HTR1F: variants seen among roughly 807,000 people sequenced by gnomAD.
The protein encoded by HTR1F is 5-hydroxytryptamine receptor 1F.
In HTR1F, 17 loss-of-function variants were observed where a neutral mutation model predicts 24.0. The observed-to-expected ratio is 0.71, with a 90% CI of 0.48 to 1.06. The LOEUF (loss-of-function observed/expected upper bound fraction) is 1.06. Ranked by LOEUF, HTR1F falls within the 50% of genes least tolerant of loss-of-function variation. The pLI is 0.00. For missense variants in HTR1F, 391 were observed against 427.8 expected, an observed-to-expected ratio of 0.91 and a Z score of 0.76; for synonymous variants, 186 against 156.8, an observed-to-expected ratio of 1.19 and a Z score of -1.39.
chr3:87,815,665 T>C (rs1704236909), intron 1 of HTR1F, among the ~76,000 whole-genome samples: 1 of 152,092 alleles, frequency 6.6e-6, no homozygotes, highest in Non-Finnish European at 1.5e-5. Context: ...AGTAACATGA[T>C]GGAAAGTGTA....
In HTR1F at chr3:87,910,186, T is replaced by G. The variant is rs113022019; in HGVS notation, c.-42-80522T>G. 688 of 152,096 alleles carry G rather than the reference T, an allele frequency of 4.5e-3. 1 individual carries two copies. The highest frequency in any genetic ancestry group is 0.016 in the African/African-American group (665 of 41,548). The allele number at this position is 152,096 out of a possible 1,614,324, so 9.4% of individuals were successfully genotyped here. ...TTTAAGGAAGCTTTTTATCCCAAATTCTTTGGCACCAATTGCAACTTGAAA... is the reference window on the plus strand; with the variant it reads ...TTTAAGGAAGCTTTTTATCCCAAATGCTTTGGCACCAATTGCAACTTGAAA... On this transcript the variant is annotated intron_variant, in intron 2 of 2. Coordinates refer to ENST00000319595, the MANE Select transcript of HTR1F (RefSeq NM_001322209.2).
chr3:87,859,135 T>G (rs747541277), intron 2 of HTR1F, among the ~76,000 whole-genome samples: 7 of 152,062 alleles, frequency 4.6e-5, no homozygotes, highest in Non-Finnish European at 8.8e-5. Context: ...GAGGTGGAGG[T>G]TGCAGTGAGC....
chr3:87,861,554 C>G (rs976560823), intron 2 of HTR1F, among the ~76,000 whole-genome samples: 8 of 152,116 alleles, frequency 5.3e-5, no homozygotes, highest in African/African-American at 1.9e-4. Flanking sequence ...AATAGACACA[C>G]AAGCCATTTT....
intron 2 of HTR1F, among the ~76,000 whole-genome samples, chr3:87,932,196 T>G (rs1330227528): frequency 6.6e-6 from 1 of 152,190 alleles, no homozygotes; most frequent in East Asian, 1.9e-4. Flanking sequence ...TTTAAGTCTT[T>G]AATCCATCTT....
chr3:87,863,399 T>C (rs1220481266), intron 2 of HTR1F, among the ~76,000 whole-genome samples: 1 of 152,196 alleles, frequency 6.6e-6, no homozygotes, highest in African/African-American at 2.4e-5. Context: ...CAATTTACTG[T>C]AAGAAGCAGG....
intron 2 of HTR1F, among the ~76,000 whole-genome samples, chr3:87,851,204 T>C (rs1375427928): frequency 1.3e-5 from 2 of 151,784 alleles, no homozygotes; most frequent in Non-Finnish European, 2.9e-5. Flanking sequence ...AATTTTATTA[T>C]GCTCTTTATT....
chr3:87,966,992 T>A (rs1705178590), intron 2 of HTR1F, among the ~76,000 whole-genome samples: 1 of 152,198 alleles, frequency 6.6e-6, no homozygotes, highest in South Asian at 2.1e-4. Flanking sequence ...AACCTACAAA[T>A]GAAATTTGCT....
At chr3:87,940,952 C>T (rs1330730360) in intron 2 of HTR1F, among the ~76,000 whole-genome samples, 3 of 152,218 alleles carry the variant, frequency 2.0e-5, no homozygotes, top group Non-Finnish European at 4.4e-5. Flanking sequence ...GCTACTGCCG[C>T]CACTACCTGT....
rs887159854 is a variant in HTR1F at position 87,972,633 on chromosome 3, A to G, written c.-42-18075A>G. Among the ~76,000 whole-genome samples the G allele has an allele frequency of 3.3e-5, 5 of 152,028 alleles. No individual in the cohort carries two copies. In the East Asian group the frequency reaches 9.6e-4, roughly 29 times the overall value. On this transcript the variant is annotated intron_variant, in intron 2 of 2. Transcript: ENST00000319595. ...TTCCCCTGACCCTATATTCTTTTCA[A>G]TCCCTTCTAAACCTCCTTTTCTTGT...
At chr3:87,933,973 C>T (rs1704350308) in intron 2 of HTR1F, among the ~76,000 whole-genome samples, 1 of 152,130 alleles carries the variant, frequency 6.6e-6, no homozygotes. Flanking sequence ...TTCTATATTG[C>T]CACCTTAAAT....
At chr3:87,869,420 G>GATACATACATACATAC (rs1305333411) in intron 2 of HTR1F, among the ~76,000 whole-genome samples, 5 of 136,362 alleles carry the variant, frequency 3.7e-5, no homozygotes, top group African/African-American at 1.2e-4. Flanking sequence ...TAGATAGATA[G>GATACATACATACATAC]ATAGATAGAT....
chr3:87,924,033 C>A (rs1336701530), intron 2 of HTR1F, among the ~76,000 whole-genome samples: 1 of 152,052 alleles, frequency 6.6e-6, no homozygotes, highest in Non-Finnish European at 1.5e-5. Flanking sequence ...GCATTCTCAA[C>A]TGTTTGATTT....
chr3:87,841,140 A>T (rs1288058413), intron 2 of HTR1F, among the ~76,000 whole-genome samples: 1 of 151,950 alleles, frequency 6.6e-6, no homozygotes, highest in Non-Finnish European at 1.5e-5. Context: ...GCCGGATTTA[A>T]TCATTCTACA....
chr3:87,874,613 AGCAT>A (rs1030476902), intron 2 of HTR1F, among the ~76,000 whole-genome samples: 3 of 149,734 alleles, frequency 2.0e-5, no homozygotes, highest in Admixed American at 1.3e-4. Context: ...AAAATCTCAA[AGCAT>A]TTTTCTGCAA....
chr3:87,888,943 C>T (rs1706018288), intron 2 of HTR1F, among the ~76,000 whole-genome samples: 1 of 152,140 alleles, frequency 6.6e-6, no homozygotes, highest in Non-Finnish European at 1.5e-5. Flanking sequence ...GAAATCTGAT[C>T]CCCATTGTTG....
chr3:87,973,129 C>T (rs1705321853), intron 2 of HTR1F, among the ~76,000 whole-genome samples: 1 of 152,132 alleles, frequency 6.6e-6, no homozygotes, highest in African/African-American at 2.4e-5. Context: ...CGAGATTGCA[C>T]CATTGCACTC....
chr3:87,877,994 C>G (rs1705708290), intron 2 of HTR1F, among the ~76,000 whole-genome samples: 1 of 152,044 alleles, frequency 6.6e-6, no homozygotes, highest in Admixed American at 6.6e-5. Flanking sequence ...TTCTAAAATG[C>G]TTTACAAATA....
At chr3:87,901,289 A>T (rs1706314676) in intron 2 of HTR1F, among the ~76,000 whole-genome samples, 1 of 152,098 alleles carries the variant, frequency 6.6e-6, no homozygotes, top group East Asian at 1.9e-4. Flanking sequence ...ACTAAGATAA[A>T]TTGAACTCAT....
intron 2 of HTR1F, among the ~76,000 whole-genome samples, chr3:87,830,887 T>G (rs1704559858): frequency 6.6e-6 from 1 of 152,342 alleles, no homozygotes. Context: ...CAATGAGTTC[T>G]TTCTCTAAGC....
Sources: gnomAD v4.1 joint callset for allele counts (sites outside exome capture counted in the v4.1 genomes callset) on GRCh38, gnomAD v4.1.1 for gene constraint, MANE v1.5 for transcripts, NCBI Gene and HGNC (gene_info 2026-07-23, HGNC 2026-07-21) for gene names.